Variants in AGAP1 observed in about 807,000 individuals in gnomAD.
AGAP1 encodes the protein arf-GAP with GTPase, ANK repeat and PH domain-containing protein 1.
In AGAP1, 29 loss-of-function variants were observed where a neutral mutation model predicts 105.3. The ratio of observed to expected loss-of-function variants is 0.28; its 90% CI spans 0.21 to 0.38. AGAP1 has a LOEUF of 0.38. AGAP1 is among the 10% of genes least tolerant of loss of function. The pLI is 1.00. For synonymous variants in AGAP1, 509 were observed against 485.9 expected, an observed-to-expected ratio of 1.05 and a Z score of -0.63; for missense variants, 998 against 1,165.1, an observed-to-expected ratio of 0.86 and a Z score of 2.09.
rs1043976150 is a variant in AGAP1 at position 236,083,685 on chromosome 2, T to C, written c.2114+34404T>C. Reference sequence around the variant, plus strand: ...AATAATGTGGGCTTTTTTGTTTTACTTAATATATAGGAAGATTTTTTTTTA... The same window carrying C: ...AATAATGTGGGCTTTTTTGTTTTACCTAATATATAGGAAGATTTTTTTTTA... On this transcript the variant is annotated intron_variant, in intron 16 of 17. Coordinates refer to ENST00000304032, the MANE Select transcript of AGAP1 (RefSeq NM_001037131.3). The surrounding 1 kb of genome is among the most constrained non-coding windows in gnomAD (Gnocchi z 5.3). Among the ~76,000 whole-genome samples, 1 of 152,220 alleles carries C rather than the reference T, an allele frequency of 6.6e-6. No homozygotes were observed. The highest frequency in any genetic ancestry group is 2.4e-5 in the African/African-American group (1 of 41,450).
chr2:235,890,915 AC>A (rs1356685376), intron 10 of AGAP1, among the ~76,000 whole-genome samples: 1 of 145,978 alleles, frequency 6.9e-6, no homozygotes, highest in African/African-American at 2.5e-5. Context: ...AGTTGAAGCT[AC>A]TGGGTGTAAG....
chr2:235,796,543 T>G (rs570012946), intron 6 of AGAP1, among the ~76,000 whole-genome samples: 18 of 152,330 alleles, frequency 1.2e-4, no homozygotes, highest in South Asian at 8.3e-4. Flanking sequence ...TGAAGCTGCT[T>G]CTTCCTCTCT....
Position 235,931,434 on chromosome 2 carries a change from CATTATT to C in AGAP1, c.1483+527_1483+532del, listed in dbSNP as rs373457404. Among the ~76,000 whole-genome samples the C allele has an allele frequency of 2.6e-5, 4 of 151,428 alleles. No homozygotes were observed. The highest frequency in any genetic ancestry group is 4.9e-5 in the African/African-American group (2 of 41,138). On this transcript the variant is annotated intron_variant, in intron 12 of 17. Transcript: ENST00000304032. This position sits in a 1 kb window ranked among gnomAD's most constrained non-coding sequence, Gnocchi z 5.6. ...TCCTTCAGTTTTCAAATTCCTTTGG[CATTATT>C]ATTATTATTATTATTTTGACAAGTG...
chr2:235,926,732 G>A (rs1270459869), intron 11 of AGAP1, among the ~76,000 whole-genome samples: 2 of 152,108 alleles, frequency 1.3e-5, no homozygotes, highest in African/African-American at 2.4e-5. Flanking sequence ...CTCCTCCTCC[G>A]CATATTTTTG....
At chr2:235,634,894 G>C (rs950090722) in intron 1 of AGAP1, among the ~76,000 whole-genome samples, 14 of 152,122 alleles carry the variant, frequency 9.2e-5, no homozygotes, top group Non-Finnish European at 2.9e-5. Flanking sequence ...TTGGTGTTAG[G>C]ATGTGTTTGT....
rs998104865 is a variant in AGAP1, at chr2:235,614,758, G to A, written c.164-94421G>A. Among the ~76,000 whole-genome samples, 1 of 152,274 alleles carries A rather than the reference G, an allele frequency of 6.6e-6. No individual in the cohort carries two copies. Among genetic ancestry groups the A allele is most frequent in the Middle Eastern group, 3.4e-3 (1 of 294 alleles). ...CAGTATTCACCGTGAATTCTTTTGT[G>A]GGAAATAGAACACAGCGTTGGGTAC... On this transcript the variant is annotated intron_variant, in intron 1 of 17. Coordinates refer to ENST00000304032, the MANE Select transcript of AGAP1 (RefSeq NM_001037131.3). This position sits in a 1 kb window ranked among gnomAD's most constrained non-coding sequence, Gnocchi z 4.7.
chr2:235,826,530 A>C (rs1269042806), intron 9 of AGAP1, among the ~76,000 whole-genome samples: 1 of 151,722 alleles, frequency 6.6e-6, no homozygotes, highest in Admixed American at 6.6e-5. Context: ...GCTCACTGCA[A>C]CCTCCACCTC....
In AGAP1 at chr2:235,904,145, G is replaced by C. The variant is rs914002429; in HGVS notation, c.1156-4593G>C. On this transcript the variant is annotated intron_variant, in intron 10 of 17. Coordinates refer to ENST00000304032, the MANE Select transcript of AGAP1 (RefSeq NM_001037131.3). The surrounding 1 kb of genome is among the most constrained non-coding windows in gnomAD (Gnocchi z 4.2). ...TGAAACTCAATCATAGCTCTTAATT[G>C]CTTGACTATGTGAAAAGAAATCACA... 7.2e-5 allele frequency among the ~76,000 whole-genome samples: 11 copies of C among 152,146 alleles called. No individual in the cohort carries two copies. The highest frequency in any genetic ancestry group is 7.2e-4 in the Admixed American group (11 of 15,276).
At position 235,826,563 on chromosome 2, in the gene AGAP1, C is replaced by T. The variant is rs183265935; in HGVS notation, c.1050+19232C>T. Among the ~76,000 whole-genome samples, 1,379 of 152,124 alleles carry T rather than the reference C, an allele frequency of 9.1e-3. 24 individuals are homozygous for T. The highest frequency in any genetic ancestry group is 0.032 in the African/African-American group (1,308 of 41,478). The stretch of plus-strand genomic sequence containing the variant: ...CTCCCAGGTTCAAGTGATTCTCCTG[C>T]CTCAGCCTCCCAAGTAGCTGGGATT... On this transcript the variant is annotated intron_variant, in intron 9 of 17. Transcript: ENST00000304032.
chr2:235,689,623 G>GGTCCT lies in AGAP1; in HGVS notation c.164-19555_164-19554insTCCTG, dbSNP rs2149436144. ...AATAATTTCTGATGGACACCAAATT[G>GGTCCT]GCAGGTCACCATAGGGACCTCCCCT... On this transcript the variant is annotated intron_variant, in intron 1 of 17. Transcript: ENST00000304032. The surrounding 1 kb of genome is among the most constrained non-coding windows in gnomAD (Gnocchi z 4.2). Among the ~76,000 whole-genome samples the GGTCCT allele has an allele frequency of 6.6e-6, 1 of 152,260 alleles. No individual in the cohort carries two copies. The highest frequency in any genetic ancestry group is 2.4e-5 in the African/African-American group (1 of 41,550).
In AGAP1 at chr2:235,551,064, G is replaced by C. The variant is rs191720557; in HGVS notation, c.163+56215G>C. On this transcript the variant is annotated intron_variant, in intron 1 of 17. Transcript: ENST00000304032. The surrounding 1 kb of genome is among the most constrained non-coding windows in gnomAD (Gnocchi z 4.8). ...GCTGGGATTACAGGCGTGAGCCACC[G>C]CGCTCGGCCATAGATAGTGTTTCTT... Among the ~76,000 whole-genome samples, 2 of 152,114 alleles carry C rather than the reference G, an allele frequency of 1.3e-5. No individual in the cohort carries two copies. The highest frequency in any genetic ancestry group is 3.9e-4 in the East Asian group (2 of 5,094).
At position 235,609,216 on chromosome 2, in the gene AGAP1, G is replaced by C. The variant is rs145539251; in HGVS notation, c.164-99963G>C. ...GGCAGCTTTCTGAGCACTTTTTCTT[G>C]ATCACTGATGATGACCGTAAACAAG... On this transcript the variant is annotated intron_variant, in intron 1 of 17. Coordinates refer to ENST00000304032, the MANE Select transcript of AGAP1 (RefSeq NM_001037131.3). This position sits in a 1 kb window ranked among gnomAD's most constrained non-coding sequence, Gnocchi z 5.1. 7.2e-5 allele frequency among the ~76,000 whole-genome samples: 11 copies of C among 152,202 alleles called. No homozygotes were observed. The East Asian group carries it at 1.9e-3, about 27-fold the overall frequency.
chr2:235,779,623 G>A (rs983536504), intron 6 of AGAP1, among the ~76,000 whole-genome samples: 7 of 152,126 alleles, frequency 4.6e-5, no homozygotes, highest in African/African-American at 1.7e-4. Flanking sequence ...GTACCGCCCT[G>A]GCTAGAGGTG....
chr2:235,590,712 T>TGTGTGTGTGTGCGC (rs369129304), intron 1 of AGAP1, among the ~76,000 whole-genome samples: 1 of 117,026 alleles, frequency 8.5e-6, no homozygotes, highest in African/African-American at 3.7e-5. Flanking sequence ...TGTGTGTGTG[T>TGTGTGTGTGTGCGC]GCATTTTTTT....
Position 235,958,820 on chromosome 2 carries a change from T to TC in AGAP1, c.1484-9637dup, listed in dbSNP as rs2054058536. On this transcript the variant is annotated intron_variant, in intron 12 of 17. Transcript: ENST00000304032. The surrounding 1 kb of genome is among the most constrained non-coding windows in gnomAD (Gnocchi z 4.1). ...TTATGCGGACGGAATGTTATTTTAT[T>TC]CCCCCTCTAGTCATGCTTGTCAGCT... Among the ~76,000 whole-genome samples the TC allele has an allele frequency of 6.6e-6, 1 of 152,188 alleles. No homozygotes were observed. The highest frequency in any genetic ancestry group is 2.4e-5 in the African/African-American group (1 of 41,452).
At position 235,836,401 on chromosome 2, in the gene AGAP1, A is replaced by G. The variant is rs535028273; in HGVS notation, c.1050+29070A>G. On this transcript the variant is annotated intron_variant, in intron 9 of 17. Coordinates refer to ENST00000304032, the MANE Select transcript of AGAP1 (RefSeq NM_001037131.3). The stretch of plus-strand genomic sequence containing the variant: ...TGGGGGCCGATAGAGGAGAAACACC[A>G]ACAAGTGGTCCTGTAGGAAATGCAT... 3.3e-5 allele frequency among the ~76,000 whole-genome samples: 5 copies of G among 152,318 alleles called. No homozygotes were observed. In the East Asian group the frequency reaches 9.6e-4, roughly 29 times the overall value.
intron 1 of AGAP1, among the ~76,000 whole-genome samples, chr2:235,697,776 G>A (rs770504168): frequency 1.3e-5 from 2 of 152,090 alleles, no homozygotes; most frequent in South Asian, 4.2e-4. Context: ...AATTCTTTCT[G>A]GAATGAAAAC....
At chr2:235,576,343 A>T (rs1944732039) in intron 1 of AGAP1, among the ~76,000 whole-genome samples, 4 of 152,216 alleles carry the variant, frequency 2.6e-5, no homozygotes. Context: ...GGTTCACTAG[A>T]AGCTAATGCA....
At position 235,660,912 on chromosome 2, in the gene AGAP1, C is replaced by T. The variant is rs1209406459; in HGVS notation, c.164-48267C>T. 2.0e-5 allele frequency among the ~76,000 whole-genome samples: 3 copies of T among 152,188 alleles called. No homozygotes were observed. The highest frequency in any genetic ancestry group is 7.2e-5 in the African/African-American group (3 of 41,442). On this transcript the variant is annotated intron_variant, in intron 1 of 17. Coordinates refer to ENST00000304032, the MANE Select transcript of AGAP1 (RefSeq NM_001037131.3). This position sits in a 1 kb window ranked among gnomAD's most constrained non-coding sequence, Gnocchi z 5.3. ...CACATGTGGTTTGCATCATTCTGGC[C>T]TTGGAGCCCAGCCTCTTAGCCACTC...
Sources: gnomAD v4.1 joint callset for allele counts (sites outside exome capture counted in the v4.1 genomes callset) on GRCh38, gnomAD v4.1.1 for gene constraint, Gnocchi (gnomAD v3.1) non-coding constraint, MANE v1.5 for transcripts, NCBI Gene and HGNC (gene_info 2026-07-23, HGNC 2026-07-21) for gene names.